CEP72: variants seen among roughly 807,000 people sequenced by gnomAD.
CEP72 encodes the protein centrosomal protein of 72 kDa.
CEP72 carries 78 observed loss-of-function variants against 65.7 expected under a neutral mutation model. The observed-to-expected ratio is 1.19, with a 90% CI of 0.99 to 1.43. CEP72 has a LOEUF of 1.43. CEP72 is among the 40% of genes most tolerant of loss of function. The pLI, the probability that CEP72 is intolerant of heterozygous loss-of-function variation, is 0.00. For synonymous variants in CEP72, 358 were observed against 351.7 expected (o/e 1.02, Z -0.20); for missense variants, 914 against 832.9 (o/e 1.10, Z -1.20).
intron 3 of CEP72, among the ~76,000 whole-genome samples, chr5:621,325 G>A (rs1312514118): frequency 6.6e-6 from 1 of 152,258 alleles, no homozygotes; most frequent in Non-Finnish European, 1.5e-5. Flanking sequence ...AGAGGACAGA[G>A]CACTTTCCCC....
intron 1 of CEP72, among the ~76,000 whole-genome samples, chr5:613,358 C>T (rs1735794011): frequency 6.6e-6 from 1 of 151,924 alleles, no homozygotes; most frequent in South Asian, 2.1e-4. Context: ...CAATCCATCT[C>T]CCCAAGGAGA....
downstream of CEP72, among the ~76,000 whole-genome samples, chr5:670,661 A>G (rs1275562953): frequency 6.6e-6 from 1 of 152,018 alleles, no homozygotes; most frequent in Non-Finnish European, 1.5e-5. Context: ...CCGAGTTCTC[A>G]CTGCTCCAGG....
intron 11 of CEP72, among the ~76,000 whole-genome samples, chr5:648,257 C>G (rs866197061): frequency 1.0e-4 from 15 of 144,174 alleles, no homozygotes; most frequent in Middle Eastern, 3.6e-3. Context: ...TGTGAGGTAT[C>G]AACCCTGAGT....
At chr5:673,238 G>A in the CEP72 span, among the ~76,000 whole-genome samples, 16 of 152,306 alleles carry the variant, frequency 1.1e-4, no homozygotes, top group Non-Finnish European at 1.8e-4. Flanking sequence ...CCAACGCCTC[G>A]TGGTGGCCCT....
chr5:642,985 G>A (rs1003849688), intron 9 of CEP72: 7 of 985,386 alleles, frequency 7.1e-6, no homozygotes, highest in Non-Finnish European at 8.4e-6. Flanking sequence ...CGGCCTCTGA[G>A]GCAGATGGGC....
At chr5:625,085 C>T (rs759335954) in intron 4 of CEP72, among the ~76,000 whole-genome samples, 12 of 152,168 alleles carry the variant, frequency 7.9e-5, no homozygotes, top group Non-Finnish European at 1.0e-4. Flanking sequence ...AGGCCACCTT[C>T]GGAGACCGTG....
chr5:675,628 C>T, the CEP72 span, among the ~76,000 whole-genome samples: 2 of 151,750 alleles, frequency 1.3e-5, no homozygotes, highest in Non-Finnish European at 2.9e-5. Context: ...AGTGCAGTGC[C>T]AGAGGTGCAG....
At chr5:626,603 T>C (rs1736774149) in intron 4 of CEP72, among the ~76,000 whole-genome samples, 1 of 152,206 alleles carries the variant, frequency 6.6e-6, no homozygotes, top group African/African-American at 2.4e-5. Context: ...GAGGATTGCT[T>C]GAGGCCAAGA....
At chr5:665,346 G>T (rs757737016) in intron 3 of CEP72, 1 of 1,550,470 alleles carries the variant, frequency 6.4e-7, no homozygotes, top group Non-Finnish European at 8.7e-7. Flanking sequence ...AGCCAGGTGA[G>T]GCCAGCAAGT....
chr5:621,601 A>G (rs56411021), intron 3 of CEP72, among the ~76,000 whole-genome samples: 16,374 of 152,268 alleles, frequency 0.11, 1,967 homozygotes, highest in African/African-American at 0.3. Context: ...GCTGCACACC[A>G]GAGGTGGGAA....
intron 1 of CEP72, among the ~76,000 whole-genome samples, chr5:613,398 T>C (rs1561019823): frequency 6.6e-6 from 1 of 150,990 alleles, no homozygotes; most frequent in African/African-American, 2.4e-5. Flanking sequence ...TTAGACGGAG[T>C]CTCACTCTGT....
rs1306181437 is a variant in CEP72, at chr5:648,711, T to A, written c.1778+795T>A. Among the ~76,000 whole-genome samples, 4 of 117,446 alleles carry A rather than the reference T, an allele frequency of 3.4e-5. No homozygotes were observed. The Admixed American group carries it at 3.7e-4, about 11-fold the overall frequency. The allele number at this position is 117,446 out of a possible 152,430, so 77.0% of individuals were successfully genotyped here. On this transcript the variant is annotated intron_variant, in intron 11 of 11. Transcript: ENST00000264935. ...GACTGTGAGGCGTGAATGTGAGGCG[T>A]GACTGTGAGGCGTGACTGTGAGGCA...
chr5:646,473 C>G (rs1738430883), intron 10 of CEP72, among the ~76,000 whole-genome samples: 1 of 152,150 alleles, frequency 6.6e-6, no homozygotes, highest in Non-Finnish European at 1.5e-5. Flanking sequence ...GGCAGGTTTT[C>G]TGACCTCATG....
At chr5:650,096 T>C (rs62650527) in intron 11 of CEP72, among the ~76,000 whole-genome samples, 238 of 610 alleles carry the variant, frequency 0.39, 95 homozygotes, top group South Asian at 0.75. Flanking sequence ...GACTGTGAGG[T>C]GTGGACTGTG....
intron 11 of CEP72, among the ~76,000 whole-genome samples, chr5:649,199 GACTGTGAGGTGTGGACTGTGAGGTGT>G (rs1738717398): frequency 2.5e-5 from 3 of 121,124 alleles, no homozygotes; most frequent in African/African-American, 6.0e-5. Context: ...TGTGAGGTGT[GACTGTGAGGTGTGGACTGTGAGGTGT>G]GACTGTGAGG....
At chr5:628,172 T>C (rs934348226) in intron 4 of CEP72, among the ~76,000 whole-genome samples, 1 of 152,266 alleles carries the variant, frequency 6.6e-6, no homozygotes, top group Non-Finnish European at 1.5e-5. Context: ...AGACTCATTG[T>C]GTCCCGGCGT....
At chr5:646,138 T>A (rs74553530) in intron 10 of CEP72, among the ~76,000 whole-genome samples, 17,407 of 152,290 alleles carry the variant, frequency 0.11, 1,077 homozygotes, top group South Asian at 0.23. Flanking sequence ...GGCGGTCGCT[T>A]TGCTTCGTGG....
At chr5:639,301 C>G (rs976203692) in intron 8 of CEP72, 77 bp downstream of exon 8, 2 of 1,472,578 alleles carry the variant, frequency 1.4e-6, no homozygotes, top group African/African-American at 1.4e-5. Flanking sequence ...GTGTGGTGAC[C>G]TAGGAGTCAT....
In CEP72 at chr5:644,307, G is replaced by A; in HGVS notation, c.1548G>A (p.Leu516=). Reference sequence around the variant, plus strand: ...ATTTTCTGTGTCCGCAGGATGATTTGAGACAACATTTAGATAAATCTTTGG... The same window carrying A: ...ATTTTCTGTGTCCGCAGGATGATTTAAGACAACATTTAGATAAATCTTTGG... ...LHHTHKELDD[L]RQHLDKSLEE... The change falls in exon 10 of 12, where the codon TTG becomes TTA. Residue 516 remains leucine, a synonymous_variant. Transcript: ENST00000264935. The A allele has an allele frequency of 6.2e-7, 1 of 1,613,512 alleles. No homozygotes were observed. Among genetic ancestry groups the A allele is most frequent in the East Asian group, 2.2e-5 (1 of 44,886 alleles).
Sources: allele counts gnomAD v4.1 joint callset (sites outside exome capture counted in the v4.1 genomes callset), GRCh38; gene constraint gnomAD v4.1.1; transcripts MANE v1.5; gene names NCBI Gene and HGNC (gene_info 2026-07-23, HGNC 2026-07-21).